The following NAP1L4 variants were observed in gnomAD, a reference collection of about 807,000 sequenced individuals.
The protein encoded by NAP1L4 is nucleosome assembly protein 1 like 4.
NAP1L4 carries 15 observed loss-of-function variants against 58.2 expected under a neutral mutation model. The observed-to-expected ratio is 0.26, with a 90% CI of 0.17 to 0.40. The LOEUF (loss-of-function observed/expected upper bound fraction) is 0.40, where lower values mean the gene tolerates loss of function less well. Ranked by LOEUF, NAP1L4 falls within the 10% of genes least tolerant of loss-of-function variation. The probability of loss-of-function intolerance (pLI) is 1.00; values close to 1 mark genes in which losing one functional copy is unlikely to be tolerated. For missense variants in NAP1L4, 384 were observed against 451.1 expected (o/e 0.85, Z 1.35); for synonymous variants, 171 against 155.6 (o/e 1.10, Z -0.74).
intron 10 of NAP1L4, 174 bp downstream of exon 10, chr11:2,958,225 C>A (rs572239356): frequency 6.3e-5 from 45 of 719,768 alleles, no homozygotes; most frequent in South Asian, 1.0e-4. Flanking sequence ...CTCTGCCCCC[C>A]GCGATAAACT....
intron 3 of NAP1L4, among the ~76,000 whole-genome samples, chr11:2,976,468 G>T (rs11024814): frequency 0.13 from 20,344 of 152,136 alleles, 1,469 homozygotes; most frequent in Middle Eastern, 0.17. Context: ...AAGTCCCATG[G>T]TGGTGTCCAG....
Position 2,978,314 on chromosome 11 carries a change from C to T in NAP1L4, c.43G>A (p.Val15Met), listed in dbSNP as rs369286063. 2.2e-5 allele frequency: 36 copies of T among 1,613,756 alleles called. No individual in the cohort carries two copies. Among genetic ancestry groups the T allele is most frequent in the East Asian group, 2.0e-4 (9 of 44,870 alleles). ...SFSDGVPSDS[V>M]EAAKNASNTE... ...TTACTTGCATTTTTAGCAGCTTCCA[C>T]GGAATCTGAAGGAACCCCATCTGAA... The change falls in exon 3 of 16, where the codon GTG becomes ATG. Residue 15 changes from valine (V) to methionine (M), a missense_variant. By Grantham distance (21) the Val-to-Met change is conservative. Transcript: ENST00000380542.
chr11:2,977,382 T>C (rs910328646), intron 3 of NAP1L4, among the ~76,000 whole-genome samples: 15 of 152,224 alleles, frequency 9.9e-5, no homozygotes, highest in Non-Finnish European at 2.2e-4. Context: ...CTGCATCATG[T>C]TACCTGTGTG....
chr11:2,987,963 C>G (rs1204039147), intron 1 of NAP1L4: 2 of 152,098 alleles, frequency 1.3e-5, no homozygotes, highest in African/African-American at 4.8e-5. Context: ...CAGTACCCAG[C>G]ACGCATGGTG....
intron 1 of NAP1L4, among the ~76,000 whole-genome samples, chr11:2,985,560 T>C (rs1848569416): frequency 6.6e-6 from 1 of 152,218 alleles, no homozygotes. Flanking sequence ...GAAAAATTGC[T>C]GAGAGTAGAT....
intron 1 of NAP1L4, among the ~76,000 whole-genome samples, chr11:2,986,657 G>T (rs995183383): frequency 1.4e-5 from 2 of 138,700 alleles, no homozygotes; most frequent in African/African-American, 5.5e-5. Flanking sequence ...ATAGAGTTTC[G>T]CACTTGTTGC....
At chr11:2,960,164 G>T (rs574985836) in intron 8 of NAP1L4, 3 of 387,464 alleles carry the variant, frequency 7.7e-6, no homozygotes, top group African/African-American at 6.1e-5. Context: ...ACCAATAGGC[G>T]TCAAGCTCTC....
intron 8 of NAP1L4, among the ~76,000 whole-genome samples, chr11:2,963,119 A>T (rs548115381): frequency 1.3e-5 from 2 of 150,966 alleles, no homozygotes; most frequent in East Asian, 3.9e-4. Context: ...AAAAAAAGAA[A>T]AAAGAAAAAA....
At chr11:2,960,006 G>C in intron 8 of NAP1L4, 97 bp from the exon 9 acceptor site, 1 of 1,306,338 alleles carries the variant, frequency 7.7e-7, no homozygotes. Flanking sequence ...GCTATTTTGG[G>C]AAAGCTCAAC....
rs115719137 is a variant in NAP1L4 at position 2,960,921 on chromosome 11, A to G, written c.607-1012T>C. On this transcript the variant is annotated intron_variant, in intron 8 of 15. Transcript: ENST00000380542. The stretch of plus-strand genomic sequence containing the variant: ...CTCAGACAGCCTGGATTCAAATCCC[A>G]TCTCTGCCTACACTGCTAGGCAACT... Among the ~76,000 whole-genome samples, 1,521 of 152,302 alleles carry G rather than the reference A, an allele frequency of 1.0e-2. 26 individuals carry two copies. Among genetic ancestry groups the G allele is most frequent in the African/African-American group, 0.035 (1,462 of 41,554 alleles).
chr11:2,962,438 G>A (rs544873943), intron 8 of NAP1L4, among the ~76,000 whole-genome samples: 74 of 152,326 alleles, frequency 4.9e-4, no homozygotes, highest in Admixed American at 1.8e-3. Context: ...AGCGCTCAAG[G>A]GAAGGGAATG....
chr11:2,968,914 C>T (rs11024783), intron 7 of NAP1L4, among the ~76,000 whole-genome samples: 44,167 of 151,774 alleles, frequency 0.29, 7,380 homozygotes, highest in African/African-American at 0.46. Context: ...AATTTGTTCA[C>T]CATTTCACTA....
Position 2,954,200 on chromosome 11 carries a change from A to T in NAP1L4, c.1035+327T>A. 1 of 368,188 alleles carries T rather than the reference A, an allele frequency of 2.7e-6. No homozygotes were observed. Among genetic ancestry groups the T allele is most frequent in the East Asian group, 5.5e-5 (1 of 18,246 alleles). 22.8% of individuals were successfully genotyped at this position (368,188 alleles called of 1,614,324 possible). A position where few individuals can be genotyped will look rare whatever the true frequency, so the allele number is the denominator to read the frequency against. On this transcript the variant is annotated intron_variant, in intron 12 of 15. Transcript: ENST00000380542. The surrounding 1 kb of genome is among the most constrained non-coding windows in gnomAD (Gnocchi z 4.8). ...ATGTTTGTTGTGGCCAGACCTCCAT[A>T]AAAGAGATATTCCCTGTGTTCACAA...
At chr11:2,963,996 T>C in intron 8 of NAP1L4, 1 of 467,530 alleles carries the variant, frequency 2.1e-6, no homozygotes, top group Non-Finnish European at 4.3e-6. Flanking sequence ...CAAGCTTATC[T>C]TACCAACTGG....
chr11:2,991,974 C>T (rs1384631962), intron 1 of NAP1L4: 2 of 152,116 alleles, frequency 1.3e-5, no homozygotes, highest in Non-Finnish European at 2.9e-5. Context: ...AGCGCCTTGA[C>T]CTTCAGTGAG....
At position 2,959,087 on chromosome 11, in the gene NAP1L4, G is replaced by A. The variant is rs377282355; in HGVS notation, c.747-543C>T. Among the ~76,000 whole-genome samples, 1 of 152,188 alleles carries A rather than the reference G, an allele frequency of 6.6e-6. No homozygotes were observed. The highest frequency in any genetic ancestry group is 2.4e-5 in the African/African-American group (1 of 41,442). On this transcript the variant is annotated intron_variant, in intron 9 of 15. Transcript: ENST00000380542. The surrounding 1 kb of genome is among the most constrained non-coding windows in gnomAD (Gnocchi z 4.9). ...CACCTGGCAGATCTCAATACTGCCC[G>A]CTTAAGAACATGCTTGGTAAGGCCA... is the stretch of plus-strand genomic sequence containing the variant.
intron 1 of NAP1L4, chr11:2,990,843 T>A: frequency 3.5e-6 from 1 of 287,974 alleles, no homozygotes; most frequent in Admixed American, 4.3e-5. Context: ...TGGTGCGCAG[T>A]GCAGGTATTA....
At chr11:2,960,516 G>A (rs1013386632) in intron 8 of NAP1L4, among the ~76,000 whole-genome samples, 3 of 152,166 alleles carry the variant, frequency 2.0e-5, no homozygotes, top group African/African-American at 4.8e-5. Context: ...CGCAGGCATA[G>A]AACAACCAAC....
intron 1 of NAP1L4, among the ~76,000 whole-genome samples, chr11:2,988,598 A>G (rs933466161): frequency 1.6e-4 from 25 of 152,246 alleles, no homozygotes; most frequent in African/African-American, 5.3e-4. Context: ...TAATTATTAT[A>G]CTTAAAACCT....
Sources: allele counts gnomAD v4.1 joint callset (sites outside exome capture counted in the v4.1 genomes callset), GRCh38; gene constraint gnomAD v4.1.1; non-coding constraint Gnocchi (gnomAD v3.1); transcripts MANE v1.5; gene names NCBI Gene and HGNC (gene_info 2026-07-23, HGNC 2026-07-21).